Variants in ATP10B observed in about 807,000 individuals in gnomAD.
The protein encoded by ATP10B is ATPase phospholipid transporting 10B (putative), also known as phospholipid-transporting ATPase VB.
Under a neutral mutation model 141.2 loss-of-function variants are expected in ATP10B, and 122 were observed. The ratio of observed to expected loss-of-function variants is 0.86; its 90% confidence interval spans 0.75 to 1.00. The LOEUF (loss-of-function observed/expected upper bound fraction) is 1.00, where lower values mean the gene tolerates loss of function less well. Ranked by LOEUF, ATP10B falls within the 50% of genes least tolerant of loss-of-function variation. The pLI is 0.00. For synonymous variants in ATP10B, 685 were observed against 692.0 expected, an observed-to-expected ratio of 0.99 and a Z score of 0.16; for missense variants, 1,876 against 1,825.3, an observed-to-expected ratio of 1.03 and a Z score of -0.51.
At chr5:160,654,036 G>A (rs1011019030) in intron 7 of ATP10B, among the ~76,000 whole-genome samples, 1 of 142,502 alleles carries the variant, frequency 7.0e-6, no homozygotes, top group Non-Finnish European at 1.5e-5. Context: ...TTGTATATAC[G>A]TATATACATA....
chr5:160,770,048 G>A (rs928921819), intron 2 of ATP10B, among the ~76,000 whole-genome samples: 1 of 152,030 alleles, frequency 6.6e-6, no homozygotes, highest in Non-Finnish European at 1.5e-5. Context: ...CAGTGTTTGG[G>A]GTGATAATAA....
chr5:160,866,117 T>G, the ATP10B span, among the ~76,000 whole-genome samples: 1 of 151,568 alleles, frequency 6.6e-6, no homozygotes, highest in Admixed American at 6.6e-5. Context: ...TGCACATGTA[T>G]GTTTATAGCA....
chr5:160,902,012 A>C, the ATP10B span, among the ~76,000 whole-genome samples: 6 of 152,322 alleles, frequency 3.9e-5, no homozygotes, highest in Admixed American at 3.9e-4. Context: ...CCACGATCCA[A>C]GCTCTCATCT....
chr5:160,928,512 A>G, the ATP10B span, among the ~76,000 whole-genome samples: 1 of 152,240 alleles, frequency 6.6e-6, no homozygotes, highest in African/African-American at 2.4e-5. Flanking sequence ...AGTCAAGCAC[A>G]TGGGTTCTGG....
chr5:160,588,843 G>C lies in ATP10B; in HGVS notation c.3750+749C>G, dbSNP rs1407361408. On this transcript the variant is annotated intron_variant, in intron 24 of 25. Coordinates refer to ENST00000327245, the MANE Select transcript of ATP10B (RefSeq NM_025153.3). ...AAAATCTAATCAGAAAGGTGACATTGCCTTCTTAGATATCAAAATGTGACA... is the reference window on the plus strand; with the variant it reads ...AAAATCTAATCAGAAAGGTGACATTCCCTTCTTAGATATCAAAATGTGACA... 2.6e-5 allele frequency among the ~76,000 whole-genome samples: 4 copies of C among 152,150 alleles called. No homozygotes were observed. In the South Asian group the frequency reaches 8.3e-4, roughly 32 times the overall value.
chr5:160,848,955 G>C (rs562410958), intron 1 of ATP10B, among the ~76,000 whole-genome samples: 2 of 152,202 alleles, frequency 1.3e-5, no homozygotes, highest in East Asian at 1.9e-4. Context: ...TCCAGGTCAT[G>C]GTTCTGGAAC....
chr5:160,849,074 C>T (rs1216026292), intron 1 of ATP10B, among the ~76,000 whole-genome samples: 2 of 152,100 alleles, frequency 1.3e-5, no homozygotes, highest in Non-Finnish European at 2.9e-5. Flanking sequence ...TCTAATAGTT[C>T]CCGAGTAATT....
At chr5:160,923,109 G>A in the ATP10B span, among the ~76,000 whole-genome samples, 1 of 152,248 alleles carries the variant, frequency 6.6e-6, no homozygotes, top group South Asian at 2.1e-4. Flanking sequence ...GCTGTGGCCA[G>A]GGCATGAGAC....
the ATP10B span, among the ~76,000 whole-genome samples, chr5:160,895,819 G>T: frequency 6.6e-6 from 1 of 152,124 alleles, no homozygotes; most frequent in Non-Finnish European, 1.5e-5. Context: ...CTCAGCAAAT[G>T]CAAAAGAACG....
the ATP10B span, among the ~76,000 whole-genome samples, chr5:160,897,002 C>T: frequency 6.6e-6 from 1 of 152,150 alleles, no homozygotes; most frequent in Non-Finnish European, 1.5e-5. Flanking sequence ...CCCTTTTATG[C>T]TAAAACCTCT....
intron 2 of ATP10B, among the ~76,000 whole-genome samples, chr5:160,734,393 C>T (rs765018141): frequency 3.3e-5 from 5 of 151,788 alleles, no homozygotes. Context: ...AAAACATTAC[C>T]TTCTGGGGGT....
chr5:160,884,776 A>C, the ATP10B span, among the ~76,000 whole-genome samples: 30 of 152,358 alleles, frequency 2.0e-4, no homozygotes, highest in Middle Eastern at 3.4e-3. Context: ...ACATTTAAGC[A>C]AACATTTGAA....
chr5:160,583,338 G>C (rs1242934116), intron 24 of ATP10B, among the ~76,000 whole-genome samples: 1 of 152,070 alleles, frequency 6.6e-6, no homozygotes, highest in African/African-American at 2.4e-5. Context: ...AGTCAGGCCT[G>C]TCTGCTGGAG....
Position 160,798,492 on chromosome 5 carries a change from G to A in ATP10B, c.-575-12689C>T, listed in dbSNP as rs141235496. Among the ~76,000 whole-genome samples, 199 of 152,236 alleles carry A rather than the reference G, an allele frequency of 1.3e-3. 6 individuals are homozygous for A. The East Asian group carries it at 0.029, about 22-fold the overall frequency. On this transcript the variant is annotated intron_variant, in intron 1 of 25. Coordinates refer to ENST00000327245, the MANE Select transcript of ATP10B (RefSeq NM_025153.3). ...CCCCATGAAGACAGAGGTAGAGGTT[G>A]GAGTTACAAGTCTACAATCTAAGGA...
At chr5:160,913,358 C>T in the ATP10B span, among the ~76,000 whole-genome samples, 3 of 152,086 alleles carry the variant, frequency 2.0e-5, no homozygotes, top group African/African-American at 7.2e-5. Flanking sequence ...CTTCTGGCTC[C>T]TCTTATTTCC....
At chr5:160,867,768 G>A in the ATP10B span, among the ~76,000 whole-genome samples, 1 of 152,100 alleles carries the variant, frequency 6.6e-6, no homozygotes, top group East Asian at 1.9e-4. Context: ...GGAATTAGAA[G>A]TTTTAACTGT....
intron 3 of ATP10B, among the ~76,000 whole-genome samples, chr5:160,690,561 T>A (rs976864610): frequency 5.9e-5 from 9 of 152,098 alleles, no homozygotes; most frequent in African/African-American, 2.2e-4. Context: ...GAACAGACAC[T>A]TCTCAAAAGA....
intron 3 of ATP10B, among the ~76,000 whole-genome samples, chr5:160,689,735 T>C (rs1763960883): frequency 1.3e-5 from 2 of 152,276 alleles, no homozygotes; most frequent in South Asian, 4.1e-4. Flanking sequence ...AAACATTCCA[T>C]GATCATGGAT....
intron 1 of ATP10B, among the ~76,000 whole-genome samples, chr5:160,801,893 T>G (rs546725440): frequency 4.9e-4 from 74 of 152,310 alleles, no homozygotes; most frequent in African/African-American, 1.8e-3. Context: ...GAACAATGCC[T>G]TCTTCATCTT....
Sources: gnomAD v4.1 joint callset for allele counts (sites outside exome capture counted in the v4.1 genomes callset) on GRCh38, gnomAD v4.1.1 for gene constraint, MANE v1.5 for transcripts, NCBI Gene and HGNC (gene_info 2026-07-23, HGNC 2026-07-21) for gene names.